Variants in WASF3 observed in about 807,000 individuals in gnomAD.
WASF3 encodes the protein WASP family member 3, also known as actin-binding protein WASF3.
Under a neutral mutation model 46.6 loss-of-function variants are expected in WASF3, and 11 were observed. That is an observed-to-expected ratio of 0.24 (90% CI 0.15 to 0.39). The LOEUF is 0.39. WASF3 is among the 10% of genes least tolerant of loss of function. WASF3 has a pLI of 1.00. For missense variants in WASF3, 576 were observed against 669.8 expected, an observed-to-expected ratio of 0.86 and a Z score of 1.55; for synonymous variants, 242 against 259.7, an observed-to-expected ratio of 0.93 and a Z score of 0.65.
At chr13:26,664,204 A>G (rs1210832394) in intron 3 of WASF3, among the ~76,000 whole-genome samples, 1 of 152,206 alleles carries the variant, frequency 6.6e-6, no homozygotes, top group African/African-American at 2.4e-5. Flanking sequence ...TCTCTCTCTC[A>G]TTTGAGTGAT....
At chr13:26,566,631 T>G (rs1326352540) in intron 1 of WASF3, among the ~76,000 whole-genome samples, 1 of 152,216 alleles carries the variant, frequency 6.6e-6, no homozygotes, top group Non-Finnish European at 1.5e-5. Context: ...CCTTGTGACT[T>G]AGCCTCCTAT....
At chr13:26,574,663 C>T (rs985151641) in intron 1 of WASF3, among the ~76,000 whole-genome samples, 3 of 151,996 alleles carry the variant, frequency 2.0e-5, no homozygotes, top group East Asian at 1.9e-4. Context: ...TAGGTTTGTT[C>T]TCAGTTCTGT....
intron 6 of WASF3, 85 bp from the exon 7 acceptor site, chr13:26,676,464 G>A (rs1883070743): frequency 3.5e-6 from 5 of 1,448,736 alleles, no homozygotes; most frequent in East Asian, 2.3e-5. Flanking sequence ...TCAGGCATGG[G>A]CCTTGTGCAT....
chr13:26,576,326 C>G (rs1879795356), intron 1 of WASF3, among the ~76,000 whole-genome samples: 1 of 151,966 alleles, frequency 6.6e-6, no homozygotes, highest in Non-Finnish European at 1.5e-5. Context: ...TGTTTCATTA[C>G]TTTCTTTTTT....
At chr13:26,660,345 A>C (rs1882594808) in intron 3 of WASF3, among the ~76,000 whole-genome samples, 1 of 151,866 alleles carries the variant, frequency 6.6e-6, no homozygotes. Flanking sequence ...AGGGCCCACG[A>C]GGCAGGAGGG....
At chr13:26,602,700 TTA>T (rs1880676937) in intron 1 of WASF3, among the ~76,000 whole-genome samples, 2 of 152,224 alleles carry the variant, frequency 1.3e-5, no homozygotes, top group South Asian at 2.1e-4. Flanking sequence ...CATGAAATCT[TTA>T]TGTCAGGTTT....
chr13:26,684,330 G>A (rs1290153414), intron 9 of WASF3, among the ~76,000 whole-genome samples: 1 of 151,014 alleles, frequency 6.6e-6, no homozygotes, highest in Non-Finnish European at 1.5e-5. Flanking sequence ...TACATAATCT[G>A]TATCTAATCT....
chr13:26,636,009 A>C (rs1292865942), intron 2 of WASF3, among the ~76,000 whole-genome samples: 4 of 152,244 alleles, frequency 2.6e-5, no homozygotes, highest in African/African-American at 9.6e-5. Context: ...CTCAGAGCTC[A>C]AACGCCATGC....
intron 2 of WASF3, among the ~76,000 whole-genome samples, chr13:26,624,321 A>G (rs2137247288): frequency 6.6e-6 from 1 of 152,338 alleles, no homozygotes; most frequent in Non-Finnish European, 1.5e-5. Context: ...TTTATTAGCA[A>G]ACTGGATGTA....
At chr13:26,556,082 G>C (rs1387401571), upstream of WASF3, among the ~76,000 whole-genome samples, 1 of 152,166 alleles carries the variant, frequency 6.6e-6, no homozygotes, top group Non-Finnish European at 1.5e-5. Flanking sequence ...TAAAATAAGG[G>C]CCTTATCCTC....
the WASF3 span, among the ~76,000 whole-genome samples, chr13:26,549,998 T>G: frequency 6.6e-6 from 1 of 152,192 alleles, no homozygotes; most frequent in Admixed American, 6.5e-5. Flanking sequence ...AGAGTATGCT[T>G]TGCAAGAGAG....
intron 1 of WASF3, among the ~76,000 whole-genome samples, chr13:26,573,277 T>C (rs564910134): frequency 3.3e-5 from 5 of 152,314 alleles, no homozygotes; most frequent in African/African-American, 1.2e-4. Flanking sequence ...CAGAGTACTT[T>C]CCTGTGATTA....
intron 3 of WASF3, among the ~76,000 whole-genome samples, chr13:26,651,459 A>T (rs981257564): frequency 3.3e-5 from 5 of 152,276 alleles, no homozygotes; most frequent in African/African-American, 9.6e-5. Flanking sequence ...CTGACTTGTC[A>T]TCAGAAACAT....
At chr13:26,592,910 C>T (rs1170598433) in intron 1 of WASF3, among the ~76,000 whole-genome samples, 1 of 152,150 alleles carries the variant, frequency 6.6e-6, no homozygotes, top group Non-Finnish European at 1.5e-5. Context: ...TAATGATACA[C>T]AACTTGTGGC....
At chr13:26,635,668 G>A (rs1881795171) in intron 2 of WASF3, among the ~76,000 whole-genome samples, 1 of 152,176 alleles carries the variant, frequency 6.6e-6, no homozygotes. Context: ...TACAGATGGG[G>A]TTTTCATGTG....
intron 1 of WASF3, among the ~76,000 whole-genome samples, chr13:26,598,855 T>C (rs989309681): frequency 1.3e-5 from 2 of 152,192 alleles, no homozygotes; most frequent in African/African-American, 4.8e-5. Context: ...TTTGCCCTGC[T>C]CTTTTTAATT....
At chr13:26,635,540 A>G in intron 2 of WASF3, among the ~76,000 whole-genome samples, 1 of 152,150 alleles carries the variant, frequency 6.6e-6, no homozygotes, top group Non-Finnish European at 1.5e-5. Context: ...GCTGGCAAGG[A>G]GCTGTGATCC....
the WASF3 span, among the ~76,000 whole-genome samples, chr13:26,540,727 G>T: frequency 6.6e-6 from 1 of 152,246 alleles, no homozygotes; most frequent in Non-Finnish European, 1.5e-5. Flanking sequence ...CAATTCCAGG[G>T]TTTTCTTCCT....
intron 1 of WASF3, among the ~76,000 whole-genome samples, chr13:26,566,872 G>C (rs769725423): frequency 1.3e-5 from 2 of 152,250 alleles, no homozygotes; most frequent in Admixed American, 6.5e-5. Context: ...ACTGGAACTT[G>C]TGTGAGCATC....
Sources: gnomAD v4.1 joint callset for allele counts (sites outside exome capture counted in the v4.1 genomes callset) on GRCh38, gnomAD v4.1.1 for gene constraint, MANE v1.5 for transcripts, NCBI Gene and HGNC (gene_info 2026-07-23, HGNC 2026-07-21) for gene names.